MAPK10: variants seen among roughly 807,000 people sequenced by gnomAD.
MAPK10 encodes the protein JNK3 alpha protein kinase.
Under a neutral mutation model 59.3 loss-of-function variants are expected in MAPK10, and 25 were observed. That is an observed-to-expected ratio of 0.42 (90% CI 0.31 to 0.59). The LOEUF (loss-of-function observed/expected upper bound fraction) is 0.59. Ranked by LOEUF, MAPK10 falls within the 20% of genes least tolerant of loss-of-function variation. The pLI, the probability that MAPK10 is intolerant of heterozygous loss-of-function variation, is 0.15. For missense variants in MAPK10, 351 were observed against 568.9 expected, an observed-to-expected ratio of 0.62 and a Z score of 3.90; for synonymous variants, 190 against 200.5, an observed-to-expected ratio of 0.95 and a Z score of 0.44.
intron 1 of MAPK10, among the ~76,000 whole-genome samples, chr4:86,382,597 A>G (rs1337671228): frequency 6.6e-6 from 1 of 152,212 alleles, no homozygotes; most frequent in East Asian, 1.9e-4. Context: ...CGCAATAAAC[A>G]CATGGTGTGT....
intron 4 of MAPK10, among the ~76,000 whole-genome samples, chr4:86,126,940 T>A (rs190408407): frequency 6.6e-6 from 1 of 152,088 alleles, no homozygotes; most frequent in Admixed American, 6.6e-5. Flanking sequence ...ACCACTTCAC[T>A]CTAATTCTAT....
intron 7 of MAPK10, chr4:86,101,539 T>A (rs1367404504): frequency 1.3e-5 from 5 of 375,638 alleles, no homozygotes; most frequent in Non-Finnish European, 2.4e-5. Flanking sequence ...ATATATCATT[T>A]CTAGGCCTGA....
Position 86,399,072 on chromosome 4 carries a change from G to A in MAPK10, c.-121-44428C>T, listed in dbSNP as rs144870289. Among the ~76,000 whole-genome samples, 64 of 152,278 alleles carry A rather than the reference G, an allele frequency of 4.2e-4. No homozygotes were observed. The Middle Eastern group carries it at 0.01, about 24-fold the overall frequency. ...ATACTGCTGCAACGAACACACACAT[G>A]CGTATGTCTTTTTGGTAGAAAAATT... On this transcript the variant is annotated intron_variant, in intron 1 of 13. Transcript: ENST00000361569.
chr4:86,184,612 T>G (rs1271824325), intron 3 of MAPK10, among the ~76,000 whole-genome samples: 1 of 152,148 alleles, frequency 6.6e-6, no homozygotes, highest in Non-Finnish European at 1.5e-5. Context: ...GATGGATCCC[T>G]TGTGGCTTGG....
intron 2 of MAPK10, among the ~76,000 whole-genome samples, chr4:86,261,863 T>C (rs2093995943): frequency 6.6e-6 from 1 of 152,214 alleles, no homozygotes; most frequent in African/African-American, 2.4e-5. Flanking sequence ...AGTATAGCTC[T>C]TGTGCTGCAG....
At chr4:86,547,257 G>A (rs1009392994) in intron 1 of MAPK10, among the ~76,000 whole-genome samples, 2 of 152,128 alleles carry the variant, frequency 1.3e-5, no homozygotes, top group African/African-American at 4.8e-5. Flanking sequence ...TGCACTGTGG[G>A]ATCCCCTTTC....
At chr4:86,565,420 A>G (rs369923875) in intron 1 of MAPK10, among the ~76,000 whole-genome samples, 12 of 152,204 alleles carry the variant, frequency 7.9e-5, no homozygotes, top group African/African-American at 2.4e-4. Context: ...GTTGTAGTCT[A>G]TAAATTACTC....
intron 1 of MAPK10, among the ~76,000 whole-genome samples, chr4:86,503,069 T>C (rs1755445703): frequency 6.6e-6 from 1 of 152,028 alleles, no homozygotes; most frequent in African/African-American, 2.4e-5. Flanking sequence ...AATTTAAAGG[T>C]GAGTTATGAG....
At chr4:86,249,128 C>T (rs754233047) in intron 2 of MAPK10, among the ~76,000 whole-genome samples, 38 of 151,878 alleles carry the variant, frequency 2.5e-4, no homozygotes, top group Admixed American at 6.5e-4. Flanking sequence ...GAGAAACTAA[C>T]GGCTAAAGCC....
intron 1 of MAPK10, among the ~76,000 whole-genome samples, chr4:86,568,783 T>A (rs1457864391): frequency 6.6e-6 from 1 of 152,052 alleles, no homozygotes; most frequent in East Asian, 1.9e-4. Context: ...TCACCATATA[T>A]AAAAATTAAC....
chr4:86,151,666 G>T (rs1006196969), intron 4 of MAPK10, among the ~76,000 whole-genome samples: 7 of 152,254 alleles, frequency 4.6e-5, no homozygotes, highest in Admixed American at 2.6e-4. Flanking sequence ...AGTGTGACAG[G>T]TTCAGAGAAC....
intron 1 of MAPK10, among the ~76,000 whole-genome samples, chr4:86,509,461 C>CA (rs754265099): frequency 0.014 from 1,496 of 105,426 alleles, 12 homozygotes; most frequent in African/African-American, 0.034. Context: ...AAACGCTGAC[C>CA]AAAAAAAAAA....
At chr4:86,211,954 A>G (rs780977777) in intron 2 of MAPK10, among the ~76,000 whole-genome samples, 12 of 152,128 alleles carry the variant, frequency 7.9e-5, no homozygotes, top group Non-Finnish European at 1.8e-4. Flanking sequence ...TAGAATCTAT[A>G]CAAAAGAAAA....
upstream of MAPK10, among the ~76,000 whole-genome samples, chr4:86,455,872 A>G (rs1327081310): frequency 6.6e-6 from 1 of 152,198 alleles, no homozygotes; most frequent in Non-Finnish European, 1.5e-5. Context: ...TCAACAACAC[A>G]TGGAACTTTC....
chr4:86,228,586 C>T (rs1374773388), intron 2 of MAPK10, among the ~76,000 whole-genome samples: 3 of 152,214 alleles, frequency 2.0e-5, no homozygotes, highest in East Asian at 1.9e-4. Flanking sequence ...GGGAAATTGC[C>T]ACTCCAGGGT....
chr4:86,337,980 C>T (rs1265920707), intron 2 of MAPK10, among the ~76,000 whole-genome samples: 1 of 152,186 alleles, frequency 6.6e-6, no homozygotes, highest in Non-Finnish European at 1.5e-5. Context: ...AGACATCTTC[C>T]TCTCGGCCTT....
chr4:86,547,991 CAA>C (rs769095185), intron 1 of MAPK10, among the ~76,000 whole-genome samples: 7 of 152,164 alleles, frequency 4.6e-5, no homozygotes, highest in Admixed American at 6.5e-5. Flanking sequence ...TGGAGCCAGA[CAA>C]GAGAATAAAA....
intron 11 of MAPK10, among the ~76,000 whole-genome samples, chr4:86,050,234 T>G (rs1024472811): frequency 6.6e-6 from 1 of 152,194 alleles, no homozygotes; most frequent in Non-Finnish European, 1.5e-5. Flanking sequence ...TATTCCTTTG[T>G]GTTTCTATGG....
chr4:86,507,285 T>C (rs998856888), intron 1 of MAPK10, among the ~76,000 whole-genome samples: 1 of 151,734 alleles, frequency 6.6e-6, no homozygotes, highest in African/African-American at 2.4e-5. Flanking sequence ...GTAAAAACAA[T>C]AATAAAATAC....
Sources: gnomAD v4.1 joint callset for allele counts (sites outside exome capture counted in the v4.1 genomes callset) on GRCh38, gnomAD v4.1.1 for gene constraint, MANE v1.5 for transcripts, NCBI Gene and HGNC (gene_info 2026-07-23, HGNC 2026-07-21) for gene names.